NBPF8: variants seen among roughly 807,000 people sequenced by gnomAD.
NBPF8 encodes the protein NBPF family member NBPF8.
chr1:120,417,390 G>T (rs139699096), upstream of NBPF8, among the ~76,000 whole-genome samples: 1 of 146,054 alleles, frequency 6.8e-6, no homozygotes, highest in African/African-American at 2.5e-5. Flanking sequence ...GCTCAGGTGA[G>T]ACATCTGCCT....
chr1:120,416,033 C>G (rs1166800805), upstream of NBPF8, among the ~76,000 whole-genome samples: 13 of 152,182 alleles, frequency 8.5e-5, no homozygotes, highest in Non-Finnish European at 1.9e-4. Context: ...GATACCTTTT[C>G]TTTGGGTTAC....
intron 3 of NBPF8, among the ~76,000 whole-genome samples, chr1:120,429,500 G>A (rs1660815213): frequency 6.6e-6 from 1 of 152,222 alleles, no homozygotes; most frequent in Non-Finnish European, 1.5e-5. Context: ...TTCTGGAAGA[G>A]TAGAGGACAG....
chr1:120,451,968 C>T lies in NBPF8; in HGVS notation n.2075-149C>T, dbSNP rs1399493619. 49 of 910,158 alleles carry T rather than the reference C, an allele frequency of 5.4e-5. No homozygotes were observed. In the East Asian group the frequency reaches 1.1e-3, roughly 21 times the overall value. 56.4% of individuals were successfully genotyped at this position (910,158 alleles called of 1,614,324 possible). ...GCCTGTAAACCATTTTCTATTCTTTCTCTTGGCCACAGACATTCCTTTCAA... is the reference window on the plus strand; with the variant it reads ...GCCTGTAAACCATTTTCTATTCTTTTTCTTGGCCACAGACATTCCTTTCAA... On this transcript the variant is annotated intron_variant and non_coding_transcript_variant, in intron 12 of 24. Transcript: ENST00000583271.
chr1:120,431,322 ATATATATATATATATATTTAT>A (rs1660868680), intron 3 of NBPF8, among the ~76,000 whole-genome samples: 2 of 92,586 alleles, frequency 2.2e-5, no homozygotes, highest in Non-Finnish European at 4.2e-5. Context: ...CAAATAGGGA[ATATATATATATATATATTTAT>A]CATCTCCAAA....
rs1412583979 is a variant in NBPF8, at chr1:120,430,449, T to C, written n.510+2602T>C. 1.9e-5 allele frequency among the ~76,000 whole-genome samples: 2 copies of C among 108,028 alleles called. 1 individual carries two copies. The highest frequency in any genetic ancestry group is 3.8e-5 in the Non-Finnish European group (2 of 53,140). 70.9% of individuals were successfully genotyped at this position (108,028 alleles called of 152,430 possible). ...ATTTAAAGTAACATCTAAATACATGTTGTGCTTATAAACAAATTCAACAGA... is the reference window on the plus strand; with the variant it reads ...ATTTAAAGTAACATCTAAATACATGCTGTGCTTATAAACAAATTCAACAGA... On this transcript the variant is annotated intron_variant and non_coding_transcript_variant, in intron 3 of 28. Transcript: ENST00000652355.
chr1:120,415,032 G>A (rs1367328723), upstream of NBPF8, among the ~76,000 whole-genome samples: 1 of 152,174 alleles, frequency 6.6e-6, no homozygotes, highest in Non-Finnish European at 1.5e-5. Context: ...CTCCTGACGC[G>A]CCGAGCGGGA....
chr1:120,418,711 C>T (rs1295527092), upstream of NBPF8, among the ~76,000 whole-genome samples: 24 of 91,964 alleles, frequency 2.6e-4, 2 homozygotes, highest in South Asian at 2.4e-3. Context: ...CCACTATGCC[C>T]GGCTAATTTT....
chr1:120,435,694 GAAAA>G (rs1388010319), upstream of NBPF8, among the ~76,000 whole-genome samples: 4 of 141,884 alleles, frequency 2.8e-5, no homozygotes, highest in Non-Finnish European at 6.3e-5. Flanking sequence ...TACAAAAAAA[GAAAA>G]AAAAAAAGAA....
chr1:120,428,548 T>A (rs1660785360), intron 3 of NBPF8, among the ~76,000 whole-genome samples: 1 of 152,090 alleles, frequency 6.6e-6, no homozygotes, highest in Non-Finnish European at 1.5e-5. Flanking sequence ...CCCATCAGCT[T>A]TAATTCAGGC....
At chr1:120,452,907 G>C (rs1290071338) in intron 13 of NBPF8, among the ~76,000 whole-genome samples, 1 of 152,150 alleles carries the variant, frequency 6.6e-6, no homozygotes, top group Non-Finnish European at 1.5e-5. Flanking sequence ...GCTCCCCATG[G>C]ATAGAATGTC....
intron 12 of NBPF8, 53 bp from the exon 11 acceptor site, chr1:120,452,064 G>C (rs1553248902): frequency 1.4e-6 from 2 of 1,411,828 alleles, no homozygotes; most frequent in Non-Finnish European, 2.0e-6. Context: ...CAATATTTGA[G>C]CGGATCACTC....
intron 10 of NBPF8, 122 bp from the exon 9 acceptor site, chr1:120,449,071 C>T (rs1638304907): frequency 1.6e-6 from 1 of 641,222 alleles, no homozygotes. Flanking sequence ...AAGAGTGAAA[C>T]CAGGGAAACA....
exon 25 of NBPF8, chr1:120,466,294 C>T: frequency 1.3e-6 from 2 of 1,578,758 alleles, no homozygotes; most frequent in Non-Finnish European, 1.7e-6. Context: ...TTGAATGAAA[C>T]TATAGTTCCA....
chr1:120,462,232 G>A, intron 20 of NBPF8, 35 bp downstream of exon 18: 3 of 670,468 alleles, frequency 4.5e-6, no homozygotes, highest in South Asian at 4.4e-5. Flanking sequence ...TTAATTCTGT[G>A]TTGACACCTG....
At position 120,464,346 on chromosome 1, in the gene NBPF8, C is replaced by T. The variant is rs1370789354; in HGVS notation, n.3287-30C>T. The T allele has an allele frequency of 1.4e-3, 1,132 of 785,416 alleles. 37 individuals carry two copies. Among genetic ancestry groups the T allele is most frequent in the South Asian group, 9.6e-3 (715 of 74,636 alleles). The allele number at this position is 785,416 out of a possible 1,614,324, so 48.7% of individuals were successfully genotyped here. A position where few individuals can be genotyped will look rare whatever the true frequency, so the allele number is the denominator to read the frequency against. ...TTCTGTTGTGTCTGATTTCCCCTGG[C>T]GTATTCTTTACTTTTTCCTCCTTTT... On this transcript the variant is annotated intron_variant and non_coding_transcript_variant, in intron 22 of 24. Coordinates refer to ENST00000583271, the Ensembl canonical transcript of NBPF8.
At chr1:120,434,516 C>T (rs1661016715), upstream of NBPF8, among the ~76,000 whole-genome samples, 1 of 148,880 alleles carries the variant, frequency 6.7e-6, no homozygotes, top group Admixed American at 6.7e-5. Flanking sequence ...CAGCCCTCAC[C>T]CCATGACAGG....
At chr1:120,431,664 TCTTATA>T (rs1660884941), upstream of NBPF8, among the ~76,000 whole-genome samples, 1 of 150,332 alleles carries the variant, frequency 6.7e-6, no homozygotes, top group African/African-American at 2.4e-5. Flanking sequence ...CACTTGGAAG[TCTTATA>T]CTTGTAGGAA....
chr1:120,459,362 AT>A lies in NBPF8; in HGVS notation n.2621-4del. On this transcript the variant is annotated splice_polypyrimidine_tract_variant and splice_region_variant and intron_variant and non_coding_transcript_variant, in intron 16 of 24. Transcript: ENST00000583271. ...CTATCATCCCTGTCCTGCCTGGCTCATCAGGAATCTGCAGGAGTCTGAAGAG... is the reference window on the plus strand; with the variant it reads ...CTATCATCCCTGTCCTGCCTGGCTCACAGGAATCTGCAGGAGTCTGAAGAG... 1.1e-6 allele frequency: 1 copy of A among 901,410 alleles called. No individual in the cohort carries two copies. The allele number at this position is 901,410 out of a possible 1,614,324, so 55.8% of individuals were successfully genotyped here. A position where few individuals can be genotyped will look rare whatever the true frequency, so the allele number is the denominator to read the frequency against.
At chr1:120,427,994 T>C (rs1660768273) in intron 3 of NBPF8, among the ~76,000 whole-genome samples, 147 bp downstream of exon 3, 1 of 152,270 alleles carries the variant, frequency 6.6e-6, no homozygotes, top group African/African-American at 2.4e-5. Context: ...ATGTCCCTTG[T>C]TCAACAATTT....
Sources: gnomAD v4.1 joint callset for allele counts (sites outside exome capture counted in the v4.1 genomes callset) on GRCh38, gnomAD v4.1.1 for gene constraint, MANE v1.5 for transcripts, NCBI Gene and HGNC (gene_info 2026-07-23, HGNC 2026-07-21) for gene names.